Variants in NFATC2 observed in about 807,000 individuals in gnomAD.
NFATC2 encodes nuclear factor of activated T cells 2.
In NFATC2, 22 loss-of-function variants were observed where a neutral mutation model predicts 87.3. That is an observed-to-expected ratio of 0.25 (90% CI 0.18 to 0.36). NFATC2 has a LOEUF of 0.36. Ranked by LOEUF, NFATC2 falls within the 10% of genes least tolerant of loss-of-function variation. The pLI is 1.00. For missense variants in NFATC2, 1,149 were observed against 1,259.1 expected, an observed-to-expected ratio of 0.91 and a Z score of 1.32; for synonymous variants, 565 against 542.2, an observed-to-expected ratio of 1.04 and a Z score of -0.58.
chr20:51,515,101 G>A (rs987209875), intron 3 of NFATC2, among the ~76,000 whole-genome samples: 1 of 152,166 alleles, frequency 6.6e-6, no homozygotes, highest in African/African-American at 2.4e-5. Flanking sequence ...TCCTGGCACC[G>A]CTCAGAGTGC....
chr20:51,556,967 G>T (rs578240710), intron 1 of NFATC2, among the ~76,000 whole-genome samples: 67 of 152,248 alleles, frequency 4.4e-4, no homozygotes, highest in African/African-American at 1.6e-3. Context: ...TCCAGACTTC[G>T]TGGCGGGCTG....
chr20:51,527,590 A>C (rs1158726288), intron 1 of NFATC2, among the ~76,000 whole-genome samples: 2 of 152,196 alleles, frequency 1.3e-5, no homozygotes, highest in Admixed American at 1.3e-4. Flanking sequence ...TCCTGCCACT[A>C]AACAGGCCCT....
chr20:51,423,732 CCT>C (rs1981328108), intron 9 of NFATC2, among the ~76,000 whole-genome samples: 1 of 152,200 alleles, frequency 6.6e-6, no homozygotes, highest in Non-Finnish European at 1.5e-5. Flanking sequence ...CTGGATGCTG[CCT>C]CTCACTTGGT....
intron 1 of NFATC2, among the ~76,000 whole-genome samples, chr20:51,533,192 A>G (rs1600973924): frequency 6.6e-6 from 1 of 152,344 alleles, no homozygotes; most frequent in East Asian, 1.9e-4. Context: ...CCTGCCCATC[A>G]GGGGCCACAA....
rs761081344 is a variant in NFATC2 at position 51,523,062 on chromosome 20, T to C, written c.1160+19A>G. 1 of 1,613,774 alleles carries C rather than the reference T, an allele frequency of 6.2e-7. No individual in the cohort carries two copies. The highest frequency in any genetic ancestry group is 8.5e-7 in the Non-Finnish European group (1 of 1,179,994). On this transcript the variant is annotated intron_variant, in intron 2 of 10. Transcript: ENST00000371564. The surrounding 1 kb of genome is among the most constrained non-coding windows in gnomAD (Gnocchi z 6.9). ...TAAAACTAAACCACAGAATCAATCA[T>C]TTTCAAAGCCCTGCTCACCTGCAGA...
intron 9 of NFATC2, chr20:51,398,955 C>T (rs1425962279): frequency 4.0e-6 from 2 of 497,444 alleles, no homozygotes; most frequent in African/African-American, 3.8e-5. Context: ...AAGTGCATTA[C>T]ATTATGTGGG....
intron 8 of NFATC2, among the ~76,000 whole-genome samples, chr20:51,433,629 C>A (rs1011777955): frequency 6.6e-6 from 1 of 152,200 alleles, no homozygotes; most frequent in Non-Finnish European, 1.5e-5. Context: ...TCCCCAACAT[C>A]CATACTAAAG....
chr20:51,476,074 TC>T (rs1200015373), intron 3 of NFATC2, among the ~76,000 whole-genome samples: 24 of 106,390 alleles, frequency 2.3e-4, no homozygotes, highest in South Asian at 1.3e-3. Flanking sequence ...AACTGTCACT[TC>T]TTTTTTTTTT....
chr20:51,404,031 AG>A (rs1988315511), intron 9 of NFATC2, among the ~76,000 whole-genome samples: 1 of 152,162 alleles, frequency 6.6e-6, no homozygotes, highest in Non-Finnish European at 1.5e-5. Flanking sequence ...GGTCCGTGGC[AG>A]GGGTTGAACA....
chr20:51,438,695 A>G (rs530314764), intron 6 of NFATC2, among the ~76,000 whole-genome samples: 1 of 152,314 alleles, frequency 6.6e-6, no homozygotes, highest in East Asian at 1.9e-4. Context: ...CAACACGAAG[A>G]AGGAGACCTT....
At chr20:51,533,551 G>A (rs940560736) in intron 1 of NFATC2, among the ~76,000 whole-genome samples, 2 of 152,198 alleles carry the variant, frequency 1.3e-5, no homozygotes, top group Admixed American at 6.5e-5. Context: ...AGGAAAGGGA[G>A]GACATTTGCC....
intron 3 of NFATC2, among the ~76,000 whole-genome samples, chr20:51,486,875 A>C (rs1279979883): frequency 6.6e-6 from 1 of 152,138 alleles, no homozygotes; most frequent in African/African-American, 2.4e-5. Flanking sequence ...ACCATGAAAG[A>C]GACATATTAT....
chr20:51,493,719 G>A lies in NFATC2; in HGVS notation c.1333-18059C>T, dbSNP rs531556053. On this transcript the variant is annotated intron_variant, in intron 3 of 10. Coordinates refer to ENST00000371564, the MANE Select transcript of NFATC2 (RefSeq NM_012340.5). ...CATGCTGAGAGACAGGAACAGAGTC[G>A]ATCACATTGAGAGCAGCTTGGTCCC... Among the ~76,000 whole-genome samples the A allele has an allele frequency of 3.3e-5, 5 of 152,214 alleles. No homozygotes were observed. The South Asian group carries it at 1.0e-3, about 32-fold the overall frequency.
Position 51,475,057 on chromosome 20 carries a change from G to A in NFATC2, c.1535+401C>T, listed in dbSNP as rs12480481. 9.5e-3 allele frequency among the ~76,000 whole-genome samples: 1,388 copies of A among 145,820 alleles called. 53 individuals carry two copies. In the East Asian group the frequency reaches 0.13, roughly 14 times the overall value. ...GATCTCGGCTCACAGCAACCTGCCC[G>A]CATCAAGTTCAAGCAATTCTCCTGC... On this transcript the variant is annotated intron_variant, in intron 4 of 10. Coordinates refer to ENST00000371564, the MANE Select transcript of NFATC2 (RefSeq NM_012340.5).
intron 6 of NFATC2, among the ~76,000 whole-genome samples, chr20:51,448,610 C>G (rs1045818962): frequency 1.3e-5 from 2 of 152,164 alleles, no homozygotes; most frequent in Non-Finnish European, 2.9e-5. Flanking sequence ...CGCACTCGCG[C>G]CACGCCACTC....
At chr20:51,394,082 G>C (rs1318114285) in intron 10 of NFATC2, among the ~76,000 whole-genome samples, 2 of 152,222 alleles carry the variant, frequency 1.3e-5, no homozygotes, top group East Asian at 3.9e-4. Flanking sequence ...TGCTATTGGG[G>C]GTGGTGAAGT....
chr20:51,507,158 C>T (rs1411167360), intron 3 of NFATC2, among the ~76,000 whole-genome samples: 1 of 152,180 alleles, frequency 6.6e-6, no homozygotes, highest in East Asian at 1.9e-4. Context: ...AAGATAAGAA[C>T]CCAGAAGTTC....
intron 1 of NFATC2, among the ~76,000 whole-genome samples, chr20:51,553,413 C>G (rs966720611): frequency 1.3e-5 from 2 of 151,872 alleles, no homozygotes; most frequent in Admixed American, 1.3e-4. Context: ...CGGTGGCTCA[C>G]GCCTGTAATC....
chr20:51,463,714 C>T (rs1436711528), intron 5 of NFATC2, among the ~76,000 whole-genome samples: 11 of 152,196 alleles, frequency 7.2e-5, no homozygotes, highest in Non-Finnish European at 1.6e-4. Flanking sequence ...CCTGCAGGCG[C>T]CCACACCCTG....
Sources: gnomAD v4.1 joint callset for allele counts (sites outside exome capture counted in the v4.1 genomes callset) on GRCh38, gnomAD v4.1.1 for gene constraint, Gnocchi (gnomAD v3.1) non-coding constraint, MANE v1.5 for transcripts, NCBI Gene and HGNC (gene_info 2026-07-23, HGNC 2026-07-21) for gene names.